The following RP1 variants were observed in gnomAD, a reference collection of about 807,000 sequenced individuals.
RP1 encodes the protein oxygen-regulated protein 1.
RP1 carries 16 observed loss-of-function variants against 14.8 expected under a neutral mutation model. That is an observed-to-expected ratio of 1.08 (90% CI 0.73 to 1.65). The LOEUF is 1.65. Ranked by LOEUF, RP1 falls within the 40% of genes most tolerant of loss-of-function variation. The probability of loss-of-function intolerance (pLI) is 0.00; values close to 1 mark genes in which losing one functional copy is unlikely to be tolerated. For missense variants in RP1, 2,631 were observed against 2,535.0 expected (o/e 1.04, Z -0.81); for synonymous variants, 876 against 883.6 (o/e 0.99, Z 0.15).
At chr8:54,583,130 T>G (rs1234096112) in intron 1 of RP1, among the ~76,000 whole-genome samples, 2 of 152,094 alleles carry the variant, frequency 1.3e-5, no homozygotes, top group African/African-American at 2.4e-5. Context: ...GATATTGGCT[T>G]TGGGTTTGTC....
At chr8:54,570,478 G>A (rs1206256374) in intron 1 of RP1, among the ~76,000 whole-genome samples, 6 of 151,604 alleles carry the variant, frequency 4.0e-5, no homozygotes, top group African/African-American at 7.3e-5. Flanking sequence ...ACAGGAATGC[G>A]CCACCATGCC....
At chr8:54,570,944 T>TAATC (rs1487511169) in intron 1 of RP1, among the ~76,000 whole-genome samples, 4 of 152,194 alleles carry the variant, frequency 2.6e-5, no homozygotes, top group Non-Finnish European at 5.9e-5. Flanking sequence ...GCCGCAGCTG[T>TAATC]AATCACTGCC....
At chr8:54,670,791 A>T (rs1434326015) in intron 7 of RP1, among the ~76,000 whole-genome samples, 1 of 147,296 alleles carries the variant, frequency 6.8e-6, no homozygotes, top group African/African-American at 2.5e-5. Flanking sequence ...ATTAAACTCT[A>T]TTTTGTCTGA....
chr8:54,564,897 C>G (rs1471737910), intron 1 of RP1, among the ~76,000 whole-genome samples: 3 of 152,204 alleles, frequency 2.0e-5, no homozygotes, highest in Non-Finnish European at 4.4e-5. Context: ...AGGTGCACCC[C>G]ACTGTGCCCA....
At position 54,701,637 on chromosome 8, in the gene RP1, C is replaced by A. The variant is rs1180236319; in HGVS notation, c.1973C>A (p.Ser658Ter). Residue 658 changes from serine to a stop codon, truncating the protein, a stop_gained, in exon 14 of 23, where the codon TCA becomes TAA. Transcript: ENST00000636932. LOFTEE classifies it high-confidence loss of function. ...TCATCAGCAGGCTATGCAAATCTTT[C>A]AAAAGAATTTGTGATTTTTGTCAAG... is the stretch of plus-strand genomic sequence containing the variant. The A allele has an allele frequency of 3.9e-6, 6 of 1,534,376 alleles. No individual in the cohort carries two copies. In the East Asian group the frequency reaches 1.5e-4, roughly 38 times the overall value.
intron 23 of RP1, among the ~76,000 whole-genome samples, chr8:54,776,921 C>T (rs1046822481): frequency 6.6e-5 from 10 of 152,158 alleles, no homozygotes; most frequent in African/African-American, 1.9e-4. Context: ...AATAGTGATA[C>T]GACAAGCTCT....
chr8:54,700,858 T>C (rs764977795), intron 13 of RP1, among the ~76,000 whole-genome samples: 7 of 152,188 alleles, frequency 4.6e-5, no homozygotes, highest in Non-Finnish European at 1.0e-4. Flanking sequence ...CAGTGTCAGA[T>C]GGTTTCTTGC....
At chr8:54,684,978 C>T (rs576707824) in intron 12 of RP1, among the ~76,000 whole-genome samples, 22 of 152,098 alleles carry the variant, frequency 1.4e-4, no homozygotes, top group East Asian at 3.9e-4. Context: ...ACACTTACTG[C>T]GGCTTGTTGT....
chr8:54,839,767 T>C (rs990852212), intron 25 of RP1, among the ~76,000 whole-genome samples: 1 of 152,168 alleles, frequency 6.6e-6, no homozygotes, highest in Admixed American at 6.5e-5. Flanking sequence ...CATGGGTACG[T>C]GCCCCCAGAT....
At chr8:54,856,834 G>T (rs117656347) in intron 26 of RP1, among the ~76,000 whole-genome samples, 5,579 of 152,222 alleles carry the variant, frequency 0.037, 123 homozygotes, top group African/African-American at 0.052. Flanking sequence ...AGGAGAGCAA[G>T]AATTATATTC....
chr8:54,829,839 A>G (rs1207240177), intron 24 of RP1, among the ~76,000 whole-genome samples: 1 of 152,168 alleles, frequency 6.6e-6, no homozygotes, highest in African/African-American at 2.4e-5. Context: ...AAAATTTACT[A>G]AGAATTATAT....
intron 18 of RP1, among the ~76,000 whole-genome samples, chr8:54,738,450 C>G (rs1458008064): frequency 6.6e-6 from 1 of 152,132 alleles, no homozygotes; most frequent in Non-Finnish European, 1.5e-5. Context: ...CGTAGAACAT[C>G]TATATCTTAA....
chr8:54,762,526 C>T (rs1032211625), intron 22 of RP1, among the ~76,000 whole-genome samples: 3 of 152,158 alleles, frequency 2.0e-5, no homozygotes, highest in Non-Finnish European at 4.4e-5. Flanking sequence ...CACTGAATTT[C>T]TACCATTTAC....
intron 8 of RP1, among the ~76,000 whole-genome samples, chr8:54,676,788 C>T (rs1333949751): frequency 2.0e-5 from 3 of 152,126 alleles, no homozygotes; most frequent in Admixed American, 2.0e-4. Flanking sequence ...TTGTTAAAAT[C>T]AATGTATCAT....
intron 26 of RP1, among the ~76,000 whole-genome samples, chr8:54,853,788 GAA>G (rs2129408916): frequency 1.0e-5 from 1 of 96,886 alleles, no homozygotes; most frequent in Admixed American, 1.1e-4. Context: ...GGAAGAGAAA[GAA>G]AGAGAGAGAG....
At chr8:54,862,751 G>A (rs1355677523) in intron 27 of RP1, among the ~76,000 whole-genome samples, 1 of 152,042 alleles carries the variant, frequency 6.6e-6, no homozygotes, top group African/African-American at 2.4e-5. Context: ...ATGGAAGATG[G>A]CAGCTGCGCA....
chr8:54,853,758 GAGAA>G (rs1490008443), intron 26 of RP1, among the ~76,000 whole-genome samples: 1 of 134,796 alleles, frequency 7.4e-6, no homozygotes, highest in African/African-American at 2.9e-5. Flanking sequence ...GAAAGAGAGA[GAGAA>G]AGAAAGAGAA....
chr8:54,867,902 T>C (rs1812495210), intron 28 of RP1, among the ~76,000 whole-genome samples: 1 of 152,184 alleles, frequency 6.6e-6, no homozygotes. Context: ...TTTCTAGTGC[T>C]GAATAGACAC....
chr8:54,862,775 C>G (rs1812373520), intron 27 of RP1, among the ~76,000 whole-genome samples: 1 of 152,018 alleles, frequency 6.6e-6, no homozygotes, highest in Admixed American at 6.6e-5. Flanking sequence ...GACTTCCGGC[C>G]ACATTTCATT....
Sources: allele counts gnomAD v4.1 joint callset (sites outside exome capture counted in the v4.1 genomes callset), GRCh38; gene constraint gnomAD v4.1.1; transcripts MANE v1.5; gene names NCBI Gene and HGNC (gene_info 2026-07-23, HGNC 2026-07-21).